ERCC6L2: variants seen among roughly 807,000 people sequenced by gnomAD.
ERCC6L2 encodes the protein ERCC excision repair 6 like 2.
Under a neutral mutation model 132.0 loss-of-function variants are expected in ERCC6L2, and 77 were observed. The ratio of observed to expected loss-of-function variants is 0.58; its 90% CI spans 0.49 to 0.71. ERCC6L2 has a LOEUF of 0.71. ERCC6L2 is among the 30% of genes least tolerant of loss of function. The pLI is 0.00. For synonymous variants in ERCC6L2, 583 were observed against 632.4 expected (o/e 0.92, Z 1.17); for missense variants, 1,542 against 1,837.6 (o/e 0.84, Z 2.94).
intron 17 of ERCC6L2, among the ~76,000 whole-genome samples, chr9:95,984,947 T>G (rs886451708): frequency 1.3e-5 from 2 of 151,784 alleles, no homozygotes; most frequent in African/African-American, 4.9e-5. Flanking sequence ...AATGATCTCT[T>G]TCTCTCAGTG....
chr9:96,033,646 G>A (rs1409191519), intron 19 of ERCC6L2, among the ~76,000 whole-genome samples: 1 of 152,224 alleles, frequency 6.6e-6, no homozygotes, highest in Non-Finnish European at 1.5e-5. Flanking sequence ...CCCCCAGGAG[G>A]CTGGGATCTG....
chr9:95,915,868 C>T (rs761887419), intron 5 of ERCC6L2, 39 bp downstream of exon 5: 43 of 1,542,748 alleles, frequency 2.8e-5, no homozygotes, highest in Non-Finnish European at 2.4e-5. Context: ...TTTAATAGTT[C>T]TTCAGCTGAA....
chr9:95,923,409 G>C, intron 9 of ERCC6L2, 30 bp downstream of exon 9: 42 of 1,609,044 alleles, frequency 2.6e-5, no homozygotes, highest in Non-Finnish European at 3.6e-5. Flanking sequence ...GTTGCATACA[G>C]ACATGATACA....
chr9:95,947,292 A>G (rs924742564), intron 12 of ERCC6L2, among the ~76,000 whole-genome samples: 3 of 152,204 alleles, frequency 2.0e-5, no homozygotes, highest in Admixed American at 6.5e-5. Context: ...TCTGGATCAA[A>G]GATCAAACCA....
rs1287688335 is a variant in ERCC6L2, at chr9:96,017,279, A to G, written c.*4076A>G. On this transcript the variant is annotated 3_prime_UTR_variant, in exon 19 of 19. Coordinates refer to ENST00000653738, the MANE Select transcript of ERCC6L2 (RefSeq NM_020207.7). ...TTGGTATTTGTTGCAGGAGGGAAGAACATCTCACTTTTGCTTGGCTAAAGG... is the reference window on the plus strand; with the variant it reads ...TTGGTATTTGTTGCAGGAGGGAAGAGCATCTCACTTTTGCTTGGCTAAAGG... Among the ~76,000 whole-genome samples, 2 of 152,150 alleles carry G rather than the reference A, an allele frequency of 1.3e-5. No homozygotes were observed. The highest frequency in any genetic ancestry group is 2.9e-5 in the Non-Finnish European group (2 of 68,010).
intron 17 of ERCC6L2, among the ~76,000 whole-genome samples, chr9:95,985,903 C>G (rs1833078451): frequency 6.6e-6 from 1 of 152,156 alleles, no homozygotes; most frequent in Non-Finnish European, 1.5e-5. Context: ...TACTAAACAC[C>G]AGGGATACGA....
At chr9:96,023,928 C>T (rs568079531) in intron 19 of ERCC6L2, among the ~76,000 whole-genome samples, 15 of 152,134 alleles carry the variant, frequency 9.9e-5, no homozygotes, top group Non-Finnish European at 1.9e-4. Flanking sequence ...AAAGGGGACC[C>T]GGGAGCATAA....
intron 11 of ERCC6L2, among the ~76,000 whole-genome samples, chr9:95,929,992 T>A (rs1416928576): frequency 6.6e-6 from 1 of 152,184 alleles, no homozygotes; most frequent in Admixed American, 6.5e-5. Context: ...AACTGCTATT[T>A]AACCTATCCA....
intron 15 of ERCC6L2, chr9:95,971,532 T>G (rs1458354168): frequency 2.6e-5 from 4 of 154,026 alleles, no homozygotes; most frequent in African/African-American, 9.6e-5. Context: ...GTAATCTGTC[T>G]TATTCTTAAA....
chr9:95,898,084 G>T, intron 3 of ERCC6L2, 113 bp downstream of exon 3: 1 of 938,874 alleles, frequency 1.1e-6, no homozygotes, highest in African/African-American at 1.7e-5. Context: ...TAAAACCTAA[G>T]AATTTAAAGA....
At chr9:95,891,693 C>G (rs1828175849) in intron 2 of ERCC6L2, among the ~76,000 whole-genome samples, 1 of 151,960 alleles carries the variant, frequency 6.6e-6, no homozygotes, top group East Asian at 1.9e-4. Flanking sequence ...GCCTCCACAT[C>G]ATTGCCAACA....
At chr9:95,975,047 T>A (rs626264) in intron 16 of ERCC6L2, among the ~76,000 whole-genome samples, 95,954 of 151,950 alleles carry the variant, frequency 0.63, 30,798 homozygotes, top group African/African-American at 0.73. Context: ...CAGTACTACC[T>A]CCATTTGATT....
At chr9:95,954,888 G>T (rs1183377256) in intron 12 of ERCC6L2, 3 of 471,030 alleles carry the variant, frequency 6.4e-6, no homozygotes, top group Non-Finnish European at 4.4e-6. Context: ...GATCCAAGAT[G>T]TCCTCGAGTA....
chr9:96,034,872 C>A (rs1167090903), intron 19 of ERCC6L2, among the ~76,000 whole-genome samples: 1 of 151,634 alleles, frequency 6.6e-6, no homozygotes, highest in Admixed American at 6.6e-5. Context: ...GATGAAGCTG[C>A]AACCACCTGA....
chr9:95,915,868 C>A, intron 5 of ERCC6L2, 39 bp downstream of exon 5: 2 of 1,542,864 alleles, frequency 1.3e-6, no homozygotes, highest in South Asian at 1.2e-5. Context: ...TTTAATAGTT[C>A]TTCAGCTGAA....
Position 95,921,288 on chromosome 9 carries a change from C to T in ERCC6L2, c.1272C>T (p.Gly424=). ...CTGAGCCTTGTACCTGTAGGAGTGG[C>T]CAAAAAAGGAGAAATTGTTGTTATA... ...QSSEPCTCRS[G]QKRRNCCYKT... is the part of the protein sequence containing the mutation. The change falls in exon 7 of 19, where the codon GGC becomes GGT. Residue 424 remains glycine, a synonymous_variant. Transcript: ENST00000653738. 1 of 1,609,322 alleles carries T rather than the reference C, an allele frequency of 6.2e-7. No individual in the cohort carries two copies. Among genetic ancestry groups the T allele is most frequent in the Non-Finnish European group, 8.5e-7 (1 of 1,178,284 alleles).
chr9:95,885,011 GC>G (rs745567914), intron 2 of ERCC6L2, among the ~76,000 whole-genome samples: 10 of 152,256 alleles, frequency 6.6e-5, no homozygotes, highest in Admixed American at 2.0e-4. Context: ...ATAATGATAT[GC>G]CCACATATAC....
chr9:95,893,033 CTA>C (rs1325725014), intron 2 of ERCC6L2, among the ~76,000 whole-genome samples: 1 of 151,960 alleles, frequency 6.6e-6, no homozygotes, highest in African/African-American at 2.4e-5. Context: ...TTTAATTTTT[CTA>C]TTGACTTTTT....
intron 1 of ERCC6L2, among the ~76,000 whole-genome samples, chr9:95,878,474 G>A (rs931817617): frequency 6.6e-6 from 1 of 151,806 alleles, no homozygotes; most frequent in African/African-American, 2.4e-5. Flanking sequence ...GTTAGATGAT[G>A]ATGCCAGTTT....
Sources: allele counts gnomAD v4.1 joint callset (sites outside exome capture counted in the v4.1 genomes callset), GRCh38; gene constraint gnomAD v4.1.1; transcripts MANE v1.5; gene names NCBI Gene and HGNC (gene_info 2026-07-23, HGNC 2026-07-21).